The following CSMD1 variants were observed in gnomAD, a reference collection of about 807,000 sequenced individuals.
CSMD1 encodes the protein CUB and Sushi multiple domains 1.
Under a neutral mutation model 417.5 loss-of-function variants are expected in CSMD1, and 213 were observed. The observed-to-expected ratio is 0.51, with a 90% CI of 0.46 to 0.57. CSMD1 has a LOEUF of 0.57. CSMD1 is among the 20% of genes least tolerant of loss of function. CSMD1 has a pLI of 0.00. For synonymous variants in CSMD1, 2,862 were observed against 1,736.8 expected (o/e 1.65, Z -16.11); for missense variants, 6,923 against 4,529.7 (o/e 1.53, Z -15.17).
intron 2 of CSMD1, among the ~76,000 whole-genome samples, chr8:4,486,186 T>TATATACATAC (rs1801388680): frequency 9.5e-5 from 1 of 10,522 alleles, no homozygotes; most frequent in South Asian, 3.1e-3. Context: ...CATACATATA[T>TATATACATAC]ATATATATAT....
At chr8:4,044,526 G>T (rs775576935) in intron 3 of CSMD1, among the ~76,000 whole-genome samples, 10 of 152,332 alleles carry the variant, frequency 6.6e-5, no homozygotes, top group African/African-American at 9.6e-5. Flanking sequence ...GTCAGGAGGA[G>T]CAGGACACTT....
chr8:3,471,391 A>C (rs1327768958), intron 11 of CSMD1, among the ~76,000 whole-genome samples: 1 of 152,116 alleles, frequency 6.6e-6, no homozygotes, highest in Non-Finnish European at 1.5e-5. Flanking sequence ...AAATATAGTC[A>C]ATTTTGGTTC....
At chr8:4,233,716 G>A (rs752180707) in intron 3 of CSMD1, among the ~76,000 whole-genome samples, 2 of 152,010 alleles carry the variant, frequency 1.3e-5, no homozygotes, top group African/African-American at 2.4e-5. Flanking sequence ...AGCCCCAACA[G>A]ACTAAGATAT....
intron 1 of CSMD1, among the ~76,000 whole-genome samples, chr8:4,866,432 A>G (rs1802422874): frequency 6.6e-6 from 1 of 151,978 alleles, no homozygotes; most frequent in East Asian, 1.9e-4. Flanking sequence ...AATCTTGATA[A>G]AAGAAGTTTG....
At chr8:4,663,722 T>G (rs1044879151) in intron 1 of CSMD1, among the ~76,000 whole-genome samples, 1 of 152,196 alleles carries the variant, frequency 6.6e-6, no homozygotes, top group African/African-American at 2.4e-5. Context: ...AAATCCCTCT[T>G]TTAAATAAAT....
At chr8:4,034,347 G>A (rs892492079) in intron 3 of CSMD1, among the ~76,000 whole-genome samples, 2 of 152,272 alleles carry the variant, frequency 1.3e-5, no homozygotes, top group South Asian at 4.2e-4. Context: ...TTCAGTTCTA[G>A]TTTTTAAGAA....
At chr8:3,845,676 A>C (rs564780827) in intron 5 of CSMD1, among the ~76,000 whole-genome samples, 2 of 152,180 alleles carry the variant, frequency 1.3e-5, no homozygotes, top group African/African-American at 2.4e-5. Flanking sequence ...TAATAAGTTA[A>C]CTTTAGCTTA....
Position 3,039,318 on chromosome 8 carries a change from C to CTTTT in CSMD1, c.7661-9806_7661-9805insAAAA, listed in dbSNP as rs1563266825. On this transcript the variant is annotated intron_variant, in intron 50 of 69. Transcript: ENST00000635120. ...ACTTCCTTCCTCTCTCCCTCCCTTC[C>CTTTT]TTCTTTTCCTTTCTTTCTTCCTTTC... 7.1e-3 allele frequency among the ~76,000 whole-genome samples: 1,063 copies of CTTTT among 148,804 alleles called. 27 individuals are homozygous for CTTTT. The highest frequency in any genetic ancestry group is 0.025 in the African/African-American group (1,004 of 40,042).
chr8:3,604,284 G>GA (rs1801499427), intron 8 of CSMD1, among the ~76,000 whole-genome samples: 1 of 152,136 alleles, frequency 6.6e-6, no homozygotes, highest in South Asian at 2.1e-4. Context: ...TCAAAGGCCA[G>GA]AGGGAGGGAG....
At chr8:3,629,099 G>C (rs529689000) in intron 7 of CSMD1, among the ~76,000 whole-genome samples, 1 of 152,248 alleles carries the variant, frequency 6.6e-6, no homozygotes, top group Admixed American at 6.5e-5. Flanking sequence ...GGGGGAAGAA[G>C]GGGTGTGCAG....
intron 3 of CSMD1, among the ~76,000 whole-genome samples, chr8:4,101,159 C>A (rs943068010): frequency 1.3e-5 from 2 of 152,240 alleles, no homozygotes; most frequent in East Asian, 1.9e-4. Flanking sequence ...CCACTCTATA[C>A]TGTCTATGAG....
intron 4 of CSMD1, among the ~76,000 whole-genome samples, chr8:4,028,226 A>C (rs1392644932): frequency 6.6e-6 from 1 of 152,240 alleles, no homozygotes; most frequent in Non-Finnish European, 1.5e-5. Flanking sequence ...AATAATTCAA[A>C]TACGATTAAT....
intron 2 of CSMD1, among the ~76,000 whole-genome samples, chr8:4,547,703 CTT>C (rs1797694857): frequency 6.6e-6 from 1 of 152,158 alleles, no homozygotes; most frequent in Admixed American, 6.5e-5. Context: ...TAAAAAGTCT[CTT>C]ATCTGGAGTA....
At chr8:4,028,829 G>A (rs896782720) in intron 4 of CSMD1, among the ~76,000 whole-genome samples, 1 of 152,192 alleles carries the variant, frequency 6.6e-6, no homozygotes, top group Admixed American at 6.5e-5. Context: ...CTCAATAAAT[G>A]TTAGGTATGC....
chr8:3,755,586 G>C (rs1054013885), intron 5 of CSMD1, among the ~76,000 whole-genome samples: 3 of 152,148 alleles, frequency 2.0e-5, no homozygotes, highest in African/African-American at 7.2e-5. Flanking sequence ...TTTCTACACA[G>C]ACGATTTCCT....
chr8:3,721,243 A>AT (rs1038962590), intron 6 of CSMD1, among the ~76,000 whole-genome samples: 23 of 151,816 alleles, frequency 1.5e-4, no homozygotes, highest in African/African-American at 1.9e-4. Flanking sequence ...AAATCCAATC[A>AT]TTTTTTTTCC....
chr8:3,221,469 G>T (rs1276298224), intron 28 of CSMD1, among the ~76,000 whole-genome samples: 1 of 152,014 alleles, frequency 6.6e-6, no homozygotes, highest in Non-Finnish European at 1.5e-5. Context: ...CCAATATTTG[G>T]CTTAGTTAAT....
chr8:3,800,678 C>T (rs565206415), intron 5 of CSMD1, among the ~76,000 whole-genome samples: 3 of 152,188 alleles, frequency 2.0e-5, no homozygotes, highest in South Asian at 2.1e-4. Flanking sequence ...GTGATATTCT[C>T]GTGGGAGTGA....
chr8:3,612,302 T>C lies in CSMD1; in HGVS notation c.1097+4408A>G, dbSNP rs7009344. ...CCTAATTACAGAGCTTCAAAATACA[T>C]GAAGCAAAAACTGATAAAGCTGCAA... On this transcript the variant is annotated intron_variant, in intron 8 of 69. Transcript: ENST00000635120. Among the ~76,000 whole-genome samples the C allele has an allele frequency of 5.7e-3, 874 of 152,046 alleles. 4 individuals carry two copies. The highest frequency in any genetic ancestry group is 7.8e-3 in the Non-Finnish European group (532 of 67,922).
Sources: gnomAD v4.1 joint callset for allele counts (sites outside exome capture counted in the v4.1 genomes callset) on GRCh38, gnomAD v4.1.1 for gene constraint, MANE v1.5 for transcripts, NCBI Gene and HGNC (gene_info 2026-07-23, HGNC 2026-07-21) for gene names.